The following TRAM1 variants were observed in gnomAD, a reference collection of about 807,000 sequenced individuals.
The protein encoded by TRAM1 is translocation associated membrane protein 1, also known as translocating chain-associated membrane protein 1.
TRAM1 carries 17 observed loss-of-function variants against 48.7 expected under a neutral mutation model. That is an observed-to-expected ratio of 0.35 (90% CI 0.24 to 0.52). The LOEUF (loss-of-function observed/expected upper bound fraction) is 0.52, where lower values mean the gene tolerates loss of function less well. Among genes scored for constraint, TRAM1 ranks in the 20% least tolerant of loss-of-function variants. TRAM1 has a pLI of 0.94. For synonymous variants in TRAM1, 182 were observed against 154.0 expected (o/e 1.18, Z -1.34); for missense variants, 351 against 441.5 (o/e 0.79, Z 1.84).
At chr8:70,576,031 A>G (rs182080) in intron 10 of TRAM1, among the ~76,000 whole-genome samples, 9 of 148,304 alleles carry the variant, frequency 6.1e-5, no homozygotes, top group African/African-American at 1.8e-4. Flanking sequence ...AGATCGCGCC[A>G]CTGCACTCCA....
intron 1 of TRAM1, 51 bp from the exon 2 acceptor site, chr8:70,600,133 A>G (rs1442221059): frequency 1.5e-5 from 23 of 1,485,574 alleles, no homozygotes; most frequent in Non-Finnish European, 2.2e-5. Context: ...CCTCTCCCAA[A>G]TAACAGATCG....
chr8:70,602,354 G>C (rs1817622311), intron 1 of TRAM1, among the ~76,000 whole-genome samples: 2 of 152,190 alleles, frequency 1.3e-5, no homozygotes. Flanking sequence ...GATTGAGCTT[G>C]TGTGGGGGCA....
rs1816857686 is a variant in TRAM1 at position 70,573,275 on chromosome 8, A to G, written c.*1657T>C. 6.6e-6 allele frequency among the ~76,000 whole-genome samples: 1 copy of G among 152,192 alleles called. No homozygotes were observed. Among genetic ancestry groups the G allele is most frequent in the African/African-American group, 2.4e-5 (1 of 41,434 alleles). The stretch of plus-strand genomic sequence containing the variant: ...GGTTATGACCATCTATCCCCCCAGT[A>G]GTCCTCACCAATATTCTGTGGAACA... On this transcript the variant is annotated 3_prime_UTR_variant, in exon 11 of 11. Coordinates refer to ENST00000262213, the MANE Select transcript of TRAM1 (RefSeq NM_014294.6).
chr8:70,574,412 G>T lies in TRAM1; in HGVS notation c.*520C>A. ...ATAAAATAAAGCACACAATTGTTCC[G>T]GTGATTTTACAAATCTTTTTTTCCA... On this transcript the variant is annotated 3_prime_UTR_variant, in exon 11 of 11. Coordinates refer to ENST00000262213, the MANE Select transcript of TRAM1 (RefSeq NM_014294.6). 1 of 205,882 alleles carries T rather than the reference G, an allele frequency of 4.9e-6. No individual in the cohort carries two copies. Among genetic ancestry groups the T allele is most frequent in the Non-Finnish European group, 1.0e-5 (1 of 100,434 alleles). 12.8% of individuals were successfully genotyped at this position (205,882 alleles called of 1,614,324 possible). A position where few individuals can be genotyped will look rare whatever the true frequency, so the allele number is the denominator to read the frequency against.
chr8:70,592,853 A>T (rs1489923461), intron 6 of TRAM1, among the ~76,000 whole-genome samples: 1 of 152,228 alleles, frequency 6.6e-6, no homozygotes, highest in Non-Finnish European at 1.5e-5. Context: ...GGTACATACT[A>T]GCCACAGTAG....
chr8:70,597,848 A>C (rs1817523768), intron 4 of TRAM1, 47 bp downstream of exon 4: 2 of 1,388,270 alleles, frequency 1.4e-6, no homozygotes, highest in Admixed American at 1.9e-5. Flanking sequence ...CAGAGTTTCT[A>C]ATCTTAGATA....
rs775491771 is a variant in TRAM1, at chr8:70,586,942, G to A, written c.699C>T (p.Phe233=). The change falls in exon 8 of 11, where the codon TTC becomes TTT. Residue 233 remains phenylalanine (F), a synonymous_variant. Transcript: ENST00000262213. ...TAAAATAAAACAGGCGGGAAATGTG[G>A]AAAAGAAATTCAACAAAATAATGTA... ...LVLHYFVEFL[F]HISRLFYFSN... is the part of the protein sequence containing the mutation. The A allele has an allele frequency of 6.2e-7, 1 of 1,613,804 alleles. No individual in the cohort carries two copies. Among genetic ancestry groups the A allele is most frequent in the South Asian group, 1.1e-5 (1 of 91,068 alleles).
chr8:70,602,302 T>C (rs1046143498), intron 1 of TRAM1, among the ~76,000 whole-genome samples: 3 of 152,160 alleles, frequency 2.0e-5, no homozygotes, highest in Admixed American at 1.3e-4. Flanking sequence ...TGGTATCCAG[T>C]AGATGCCAGG....
intron 10 of TRAM1, among the ~76,000 whole-genome samples, chr8:70,575,961 T>C (rs1816937312): frequency 6.6e-6 from 1 of 150,702 alleles, no homozygotes; most frequent in Admixed American, 6.6e-5. Context: ...CCTGTAATCC[T>C]GACTACCTGG....
chr8:70,594,238 A>C (rs1817430666), intron 6 of TRAM1, among the ~76,000 whole-genome samples: 1 of 152,022 alleles, frequency 6.6e-6, no homozygotes, highest in African/African-American at 2.4e-5. Context: ...ATTACCACTA[A>C]CATAATTTTA....
chr8:70,607,358 C>T, intron 1 of TRAM1: 5 of 985,480 alleles, frequency 5.1e-6, no homozygotes, highest in Non-Finnish European at 6.0e-6. Context: ...ATTTATCCAT[C>T]AGACCTTGTT....
intron 8 of TRAM1, among the ~76,000 whole-genome samples, chr8:70,584,563 C>T (rs1000865207): frequency 1.3e-5 from 2 of 152,186 alleles, no homozygotes; most frequent in African/African-American, 4.8e-5. Flanking sequence ...TCTCCTTAAG[C>T]TGATAAGCAA....
At chr8:70,579,053 C>T (rs1437476064) in intron 10 of TRAM1, among the ~76,000 whole-genome samples, 1 of 152,192 alleles carries the variant, frequency 6.6e-6, no homozygotes. Context: ...ATAAATAAAA[C>T]TTTATCATAG....
At chr8:70,594,618 C>A in intron 5 of TRAM1, 28 bp from the exon 6 acceptor site, 1 of 1,513,206 alleles carries the variant, frequency 6.6e-7, no homozygotes, top group Admixed American at 2.2e-5. Flanking sequence ...ATGAAGAGTA[C>A]CTTTTAAAGC....
chr8:70,584,911 C>T (rs572380173), intron 8 of TRAM1, among the ~76,000 whole-genome samples: 1 of 152,122 alleles, frequency 6.6e-6, no homozygotes, highest in African/African-American at 2.4e-5. Context: ...ACTTTCTTCA[C>T]AGAATTGGAA....
rs1816874707 is a variant in TRAM1, at chr8:70,573,788, G to A, written c.*1144C>T. 1 of 152,184 alleles carries A rather than the reference G, an allele frequency of 6.6e-6. No homozygotes were observed. The allele number at this position is 152,184 out of a possible 1,614,324, so 9.4% of individuals were successfully genotyped here. The stretch of plus-strand genomic sequence containing the variant: ...CAAATGTAGCTATAAGAATCTTAAA[G>A]GATGATTATAGAAAAGGGAACCAAA... On this transcript the variant is annotated 3_prime_UTR_variant, in exon 11 of 11. Transcript: ENST00000262213.
chr8:70,591,819 G>A (rs189862806), intron 6 of TRAM1, among the ~76,000 whole-genome samples: 3 of 152,014 alleles, frequency 2.0e-5, no homozygotes, highest in East Asian at 1.9e-4. Context: ...ACATACACCC[G>A]AAAACTTCAA....
Position 70,608,394 on chromosome 8 carries a change from T to A in TRAM1, c.-195A>T. ...GGGGGAAAAAAAAAAACACAACAGCTAGCCCGCAGCGGGGGCGAGCATGCG... is the reference window on the plus strand; with the variant it reads ...GGGGGAAAAAAAAAAACACAACAGCAAGCCCGCAGCGGGGGCGAGCATGCG... On this transcript the variant is annotated 5_prime_UTR_variant, in exon 1 of 11. The change abolishes the stop of an existing upstream ORF in the 5' untranslated region. Transcript: ENST00000262213. 2.3e-6 allele frequency: 1 copy of A among 443,944 alleles called. No individual in the cohort carries two copies. Among genetic ancestry groups the A allele is most frequent in the Non-Finnish European group, 3.7e-6 (1 of 272,726 alleles). The allele number at this position is 443,944 out of a possible 1,614,324, so 27.5% of individuals were successfully genotyped here. A position where few individuals can be genotyped will look rare whatever the true frequency, so the allele number is the denominator to read the frequency against.
At chr8:70,598,055 A>G (rs1247440448) in intron 3 of TRAM1, 44 bp from the exon 4 acceptor site, 1 of 1,521,112 alleles carries the variant, frequency 6.6e-7, no homozygotes, top group Non-Finnish European at 8.9e-7. Flanking sequence ...TAAATTATAA[A>G]TTATATTTAA....
Sources: allele counts gnomAD v4.1 joint callset (sites outside exome capture counted in the v4.1 genomes callset), GRCh38; gene constraint gnomAD v4.1.1; transcripts MANE v1.5; gene names NCBI Gene and HGNC (gene_info 2026-07-23, HGNC 2026-07-21).